The following C1orf167 variants were observed in gnomAD, a reference collection of about 807,000 sequenced individuals.
The protein encoded by C1orf167 is chromosome 1 open reading frame 167, also known as uncharacterized protein C1orf167.
C1orf167 carries 153 observed loss-of-function variants against 176.5 expected under a neutral mutation model. That is an observed-to-expected ratio of 0.87 (90% confidence interval 0.76 to 0.99). The LOEUF is 0.99. C1orf167 is among the 50% of genes least tolerant of loss of function. The probability of loss-of-function intolerance (pLI) is 0.00; values close to 1 mark genes in which losing one functional copy is unlikely to be tolerated. For synonymous variants in C1orf167, 594 were observed against 752.7 expected (o/e 0.79, Z 3.45); for missense variants, 1,490 against 1,817.7 (o/e 0.82, Z 3.28).
rs902116748 is a variant in C1orf167 at position 11,789,514 on chromosome 1, A to G, written c.*68A>G. The G allele has an allele frequency of 8.0e-7, 1 of 1,243,810 alleles. No individual in the cohort carries two copies. Among genetic ancestry groups the G allele is most frequent in the Non-Finnish European group, 1.1e-6 (1 of 948,418 alleles). 77.0% of individuals were successfully genotyped at this position (1,243,810 alleles called of 1,614,324 possible). ...CCAGGGAAGGAACCATGCCCCACAC[A>G]TCCAGGGAGTGATGACAGAGGGGAC... On this transcript the variant is annotated 3_prime_UTR_variant, in exon 21 of 21. Transcript: ENST00000688073.
intron 1 of C1orf167, among the ~76,000 whole-genome samples, chr1:11,763,593 T>C (rs1414758534): frequency 2.0e-5 from 3 of 152,182 alleles, no homozygotes; most frequent in Non-Finnish European, 4.4e-5. Flanking sequence ...CAGGCAGTAA[T>C]TTGCTAACCT....
chr1:11,773,546 A>G (rs1643178145), intron 8 of C1orf167, among the ~76,000 whole-genome samples: 1 of 151,968 alleles, frequency 6.6e-6, no homozygotes, highest in South Asian at 2.1e-4. Flanking sequence ...CATCTCTACT[A>G]AAAATACAAA....
At position 11,768,394 on chromosome 1, in the gene C1orf167, C is replaced by CTTT. The variant is rs1642904851; in HGVS notation, c.1542+119_1542+120insTTT. 3 of 887,978 alleles carry CTTT rather than the reference C, an allele frequency of 3.4e-6. No individual in the cohort carries two copies. In the African/African-American group the frequency reaches 5.2e-5, roughly 15 times the overall value. 55.0% of individuals were successfully genotyped at this position (887,978 alleles called of 1,614,324 possible). On this transcript the variant is annotated intron_variant, in intron 5 of 20. Transcript: ENST00000688073. The surrounding 1 kb of genome is among the most constrained non-coding windows in gnomAD (Gnocchi z 4.5). ...TAGGTGGCACCTCATGAATGATCAG[C>CTTT]AGTAAAGGGTGTAGTTGTGAGTCCA...
At chr1:11,788,867 G>A (rs1206392920) in intron 20 of C1orf167, 121 bp downstream of exon 20, 6 of 772,380 alleles carry the variant, frequency 7.8e-6, no homozygotes, top group Admixed American at 2.6e-5. Flanking sequence ...GGGCCCCTTC[G>A]TTTTCAGGGG....
intron 19 of C1orf167, 64 bp downstream of exon 19, chr1:11,788,442 C>T (rs988418357): frequency 1.0e-5 from 13 of 1,239,558 alleles, no homozygotes; most frequent in Middle Eastern, 5.6e-4. Context: ...TAACCCAAAC[C>T]CCTCTCAAAA....
intron 8 of C1orf167, among the ~76,000 whole-genome samples, chr1:11,774,178 T>G (rs1442555312): frequency 6.6e-6 from 1 of 152,132 alleles, no homozygotes; most frequent in Non-Finnish European, 1.5e-5. Context: ...GTGCTGAGAT[T>G]ACAGGTGTGA....
chr1:11,779,379 T>C, intron 12 of C1orf167: 1 of 210,222 alleles, frequency 4.8e-6, no homozygotes, highest in Non-Finnish European at 9.7e-6. Flanking sequence ...TGCCCCTCAT[T>C]GGCTGTGTGA....
intron 6 of C1orf167, among the ~76,000 whole-genome samples, chr1:11,771,069 A>ATATATT (rs1557726938): frequency 1.3e-4 from 6 of 47,214 alleles, no homozygotes; most frequent in Admixed American, 4.0e-4. Context: ...ATATATATAT[A>ATATATT]TTTTTTTTTT....
intron 19 of C1orf167, 60 bp from the exon 20 acceptor site, chr1:11,788,592 G>A (rs1643973892): frequency 2.4e-6 from 3 of 1,262,566 alleles, no homozygotes; most frequent in Non-Finnish European, 3.2e-6. Flanking sequence ...AAGGCAGAAG[G>A]GCTGGGGACT....
In C1orf167 at chr1:11,776,658, T is replaced by C. The variant is rs1055126323; in HGVS notation, c.2339+20T>C. ...GGCCAAGTAGGTGTCCTCGAGCTTG[T>C]GACCTGGGGTTGGGCCTGGGGGCTG... On this transcript the variant is annotated intron_variant, in intron 10 of 20. Coordinates refer to ENST00000688073, the MANE Select transcript of C1orf167 (RefSeq NM_001010881.2). The C allele has an allele frequency of 4.2e-6, 5 of 1,192,760 alleles. No homozygotes were observed. The Admixed American group carries it at 1.9e-4, about 45-fold the overall frequency. The allele number at this position is 1,192,760 out of a possible 1,614,324, so 73.9% of individuals were successfully genotyped here.
intron 6 of C1orf167, among the ~76,000 whole-genome samples, chr1:11,770,177 A>G (rs1461316986): frequency 7.9e-6 from 1 of 126,092 alleles, no homozygotes; most frequent in Non-Finnish European, 1.8e-5. Flanking sequence ...GGAGCATAAA[A>G]ATGTATCCAA....
At position 11,789,364 on chromosome 1, in the gene C1orf167, G is replaced by A; in HGVS notation, c.4268G>A (p.Gly1423Asp). ...PRPWSKPGPK[G>D]PESGQEAARA... is the part of the protein sequence containing the mutation. The stretch of plus-strand genomic sequence containing the variant: ...CCCTGGAGCAAGCCAGGCCCCAAGG[G>A]CCCCGAGAGTGGACAGGAAGCCGCC... Residue 1423 changes from glycine (G) to aspartate (D), a missense_variant, in exon 21 of 21, where the codon GGC becomes GAC. Gly to Asp is a moderately conservative substitution (Grantham distance 94). Transcript: ENST00000688073. 1 of 1,303,994 alleles carries A rather than the reference G, an allele frequency of 7.7e-7. No individual in the cohort carries two copies. The highest frequency in any genetic ancestry group is 1.0e-6 in the Non-Finnish European group (1 of 988,882). The allele number at this position is 1,303,994 out of a possible 1,614,324, so 80.8% of individuals were successfully genotyped here.
intron 2 of C1orf167, among the ~76,000 whole-genome samples, chr1:11,765,076 A>AAAAG: frequency 6.8e-6 from 1 of 147,342 alleles, no homozygotes; most frequent in African/African-American, 2.4e-5. Flanking sequence ...AAAAAAAAAA[A>AAAAG]AGAAAGCCAC....
chr1:11,762,227 G>A lies in C1orf167; in HGVS notation c.-149G>A, dbSNP rs374790601. The A allele has an allele frequency of 2.2e-5, 10 of 446,070 alleles. No homozygotes were observed. Among genetic ancestry groups the A allele is most frequent in the South Asian group, 9.4e-5 (6 of 63,944 alleles). 27.6% of individuals were successfully genotyped at this position (446,070 alleles called of 1,614,324 possible). ...TCCCGCCCGCGACCTGCCGACCTGC[G>A]GGGATCGTTAGCGGTCCCAGCCCCC... On this transcript the variant is annotated 5_prime_UTR_variant, in exon 1 of 21. Coordinates refer to ENST00000688073, the MANE Select transcript of C1orf167 (RefSeq NM_001010881.2).
At chr1:11,785,042 C>G (rs1355448213) in intron 15 of C1orf167, 106 bp from the exon 16 acceptor site, 14 of 1,050,048 alleles carry the variant, frequency 1.3e-5, no homozygotes, top group African/African-American at 1.7e-5. Flanking sequence ...GGGCCCCAGC[C>G]TGGGGCTGGG....
At chr1:11,779,496 C>G (rs1643490917) in intron 12 of C1orf167, 1 of 238,078 alleles carries the variant, frequency 4.2e-6, no homozygotes, top group African/African-American at 2.2e-5. Context: ...CACATACATT[C>G]CCCAATGCCG....
At chr1:11,774,760 G>A (rs773364237) in intron 8 of C1orf167, among the ~76,000 whole-genome samples, 26 of 152,168 alleles carry the variant, frequency 1.7e-4, no homozygotes, top group Non-Finnish European at 1.6e-4. Flanking sequence ...TGATGGTAGA[G>A]CAAGGAGGCT....
Position 11,784,249 on chromosome 1 carries a change from C to G in C1orf167, c.3081C>G (p.Gly1027=), listed in dbSNP as rs1213866866. The G allele has an allele frequency of 3.1e-6, 4 of 1,299,254 alleles. No individual in the cohort carries two copies. Among genetic ancestry groups the G allele is most frequent in the Non-Finnish European group, 3.0e-6 (3 of 986,340 alleles). The allele number at this position is 1,299,254 out of a possible 1,614,324, so 80.5% of individuals were successfully genotyped here. A position where few individuals can be genotyped will look rare whatever the true frequency, so the allele number is the denominator to read the frequency against. Residue 1027 remains glycine (G), a synonymous_variant, in exon 15 of 21, where the codon GGC becomes GGG. Coordinates refer to ENST00000688073, the MANE Select transcript of C1orf167 (RefSeq NM_001010881.2). ...CCCAGCATCAAGCCTTTCAGGATGG[C>G]CTGAGGAGAAGAGCACTGGGGGCCG... ...LRAQHQAFQD[G]LRRRALGAVF...
chr1:11,785,430 C>T, intron 16 of C1orf167, 141 bp downstream of exon 16: 3 of 973,830 alleles, frequency 3.1e-6, no homozygotes, highest in Non-Finnish European at 2.6e-6. Flanking sequence ...GACCCTCGGA[C>T]CACCGGCCTT....
Sources: allele counts gnomAD v4.1 joint callset (sites outside exome capture counted in the v4.1 genomes callset), GRCh38; gene constraint gnomAD v4.1.1; non-coding constraint Gnocchi (gnomAD v3.1); transcripts MANE v1.5; gene names NCBI Gene and HGNC (gene_info 2026-07-23, HGNC 2026-07-21).